CDC25A: variants seen among roughly 807,000 people sequenced by gnomAD.
The protein encoded by CDC25A is cell division cycle 25A.
In CDC25A, 17 loss-of-function variants were observed where a neutral mutation model predicts 64.6. The observed-to-expected ratio is 0.26, with a 90% CI of 0.18 to 0.39. The LOEUF is 0.39. Ranked by LOEUF, CDC25A falls within the 10% of genes least tolerant of loss-of-function variation. The pLI is 1.00. For missense variants in CDC25A, 473 were observed against 654.8 expected (o/e 0.72, Z 3.03); for synonymous variants, 229 against 238.6 (o/e 0.96, Z 0.37).
rs551176029 is a variant in CDC25A at position 48,160,253 on chromosome 3, C to A, written c.1323-798G>T. 1.2e-4 allele frequency among the ~76,000 whole-genome samples: 19 copies of A among 152,206 alleles called. No individual in the cohort carries two copies. The East Asian group carries it at 3.7e-3, about 29-fold the overall frequency. On this transcript the variant is annotated intron_variant, in intron 13 of 14. Coordinates refer to ENST00000302506, the MANE Select transcript of CDC25A (RefSeq NM_001789.3). ...TCAGCCTCCCAAATAGCTGGGACTACAGGCGCGTGCCACCGCCCAGCTGAT... is the reference window on the plus strand; with the variant it reads ...TCAGCCTCCCAAATAGCTGGGACTAAAGGCGCGTGCCACCGCCCAGCTGAT...
intron 9 of CDC25A, among the ~76,000 whole-genome samples, chr3:48,172,785 G>C (rs547381811): frequency 1.3e-5 from 2 of 152,324 alleles, no homozygotes; most frequent in South Asian, 2.1e-4. Context: ...GACTGCTTGA[G>C]CCTGGGAGGT....
chr3:48,177,259 G>C, intron 8 of CDC25A, 112 bp downstream of exon 8: 1 of 824,780 alleles, frequency 1.2e-6, no homozygotes, highest in Non-Finnish European at 2.0e-6. Flanking sequence ...CTAAAACCCA[G>C]ATCCCCAAAT....
At chr3:48,180,898 G>A (rs2032644389) in intron 5 of CDC25A, 58 bp from the exon 6 acceptor site, 2 of 1,581,766 alleles carry the variant, frequency 1.3e-6, no homozygotes, top group Admixed American at 1.7e-5. Flanking sequence ...GCCTCAGCTT[G>A]GGTGAAAGAG....
chr3:48,159,316 G>C, intron 14 of CDC25A, 28 bp downstream of exon 14: 1 of 1,507,498 alleles, frequency 6.6e-7, no homozygotes, highest in Non-Finnish European at 9.2e-7. Flanking sequence ...CAGGGGAGGA[G>C]AGATGCTCTC....
intron 5 of CDC25A, chr3:48,181,697 C>A: frequency 1.1e-6 from 1 of 888,600 alleles, no homozygotes; most frequent in Non-Finnish European, 1.9e-6. Flanking sequence ...AAGGGTATTG[C>A]GACCCAATAA....
intron 13 of CDC25A, among the ~76,000 whole-genome samples, chr3:48,163,693 C>T (rs2031886372): frequency 6.6e-6 from 1 of 152,186 alleles, no homozygotes; most frequent in Non-Finnish European, 1.5e-5. Context: ...CGTGGTCCTG[C>T]AGAAGTCTCC....
At position 48,158,766 on chromosome 3, in the gene CDC25A, C is replaced by A; in HGVS notation, c.*179G>T. On this transcript the variant is annotated 3_prime_UTR_variant, in exon 15 of 15. Coordinates refer to ENST00000302506, the MANE Select transcript of CDC25A (RefSeq NM_001789.3). ...CTAACAGGGACAGAAGAGGCGTAGC[C>A]AGCAAGATGCCCTGGGCTCCAACCT... is the stretch of plus-strand genomic sequence containing the variant. 1.4e-6 allele frequency: 1 copy of A among 695,216 alleles called. No homozygotes were observed. 43.1% of individuals were successfully genotyped at this position (695,216 alleles called of 1,614,324 possible).
At chr3:48,175,204 C>T (rs760542613) in intron 8 of CDC25A, among the ~76,000 whole-genome samples, 2 of 151,936 alleles carry the variant, frequency 1.3e-5, no homozygotes, top group African/African-American at 2.4e-5. Flanking sequence ...GGCTGAGGCA[C>T]GAGAATCACT....
intron 13 of CDC25A, among the ~76,000 whole-genome samples, chr3:48,163,280 C>T (rs1183034854): frequency 1.6e-5 from 2 of 123,050 alleles, no homozygotes; most frequent in African/African-American, 6.6e-5. Flanking sequence ...TGTGCCTCCG[C>T]CTCAAAAAAA....
At chr3:48,185,044 G>A (rs1575274493) in intron 2 of CDC25A, among the ~76,000 whole-genome samples, 1 of 152,174 alleles carries the variant, frequency 6.6e-6, no homozygotes, top group East Asian at 1.9e-4. Context: ...TCCAACCATA[G>A]AAACAATAGG....
chr3:48,177,433 C>T lies in CDC25A; in HGVS notation c.694G>A (p.Glu232Lys). The T allele has an allele frequency of 6.2e-7, 1 of 1,613,030 alleles. No individual in the cohort carries two copies. Among genetic ancestry groups the T allele is most frequent in the Non-Finnish European group, 8.5e-7 (1 of 1,179,150 alleles). The change falls in exon 8 of 15, where the codon GAG becomes AAG. Residue 232 changes from glutamate to lysine, a missense_variant. Glu to Lys is a moderately conservative substitution (Grantham distance 56). Coordinates refer to ENST00000302506, the MANE Select transcript of CDC25A (RefSeq NM_001789.3). ...LDGENLKNEE[E>K]TPSCMASLWT... ...AGGCTTGCCATGCACGAGGGGGTCT[C>T]CTCCTCATTCTAAAGAAACAGAAAA...
intron 9 of CDC25A, among the ~76,000 whole-genome samples, chr3:48,168,641 A>T (rs868606497): frequency 2.0e-3 from 277 of 140,674 alleles, no homozygotes; most frequent in South Asian, 0.011. Context: ...TTTTTTTTTT[A>T]AAAAGACAGA....
At chr3:48,177,337 C>T (rs772880657) in intron 8 of CDC25A, 34 bp downstream of exon 8, 3 of 1,546,394 alleles carry the variant, frequency 1.9e-6, no homozygotes, top group Non-Finnish European at 2.7e-6. Context: ...CCCAATCACG[C>T]AGGGCTTCCT....
In CDC25A at chr3:48,187,759, C is replaced by T. The variant is rs1179648813; in HGVS notation, c.170+19G>A. 6.5e-7 allele frequency: 1 copy of T among 1,532,578 alleles called. No individual in the cohort carries two copies. The allele number at this position is 1,532,578 out of a possible 1,614,324, so 94.9% of individuals were successfully genotyped here. A position where few individuals can be genotyped will look rare whatever the true frequency, so the allele number is the denominator to read the frequency against. On this transcript the variant is annotated intron_variant, in intron 1 of 14. Coordinates refer to ENST00000302506, the MANE Select transcript of CDC25A (RefSeq NM_001789.3). ...CCGAGGCCAGGGGCCCGGAGCACCG[C>T]CCGCCGGTCTCTCCTTACCTGCCCA...
chr3:48,160,389 G>C (rs989625001), intron 13 of CDC25A, among the ~76,000 whole-genome samples: 5 of 147,496 alleles, frequency 3.4e-5, no homozygotes, highest in African/African-American at 7.5e-5. Context: ...GATTACAGGA[G>C]TTAGCCACCG....
At chr3:48,180,472 C>G (rs1277607080) in intron 6 of CDC25A, 1 of 376,260 alleles carries the variant, frequency 2.7e-6, no homozygotes, top group East Asian at 4.1e-5. Flanking sequence ...CAGGATTTCC[C>G]AGATTAACAA....
intron 2 of CDC25A, 71 bp downstream of exon 2, chr3:48,186,632 T>C: frequency 6.8e-6 from 6 of 883,176 alleles, no homozygotes; most frequent in East Asian, 5.6e-5. Flanking sequence ...TCACCAAAAC[T>C]AACCTCCTGG....
intron 5 of CDC25A, among the ~76,000 whole-genome samples, chr3:48,182,191 TAAAG>T (rs2032694298): frequency 6.6e-6 from 1 of 152,138 alleles, no homozygotes; most frequent in South Asian, 2.1e-4. Flanking sequence ...CCCAGGTTGA[TAAAG>T]AAATCATCAG....
At chr3:48,177,780 TTCACA>T in intron 7 of CDC25A, 69 bp downstream of exon 7, 1 of 1,572,594 alleles carries the variant, frequency 6.4e-7, no homozygotes, top group South Asian at 1.1e-5. Flanking sequence ...GCTGTTCTTT[TTCACA>T]TCACATGCCT....
Sources: gnomAD v4.1 joint callset for allele counts (sites outside exome capture counted in the v4.1 genomes callset) on GRCh38, gnomAD v4.1.1 for gene constraint, MANE v1.5 for transcripts, NCBI Gene and HGNC (gene_info 2026-07-23, HGNC 2026-07-21) for gene names.